Variants in HPSE2 observed in about 807,000 individuals in gnomAD.
The protein encoded by HPSE2 is inactive heparanase-2.
A neutral mutation model predicts 60.5 loss-of-function variants in HPSE2; 38 were observed. That is an observed-to-expected ratio of 0.63 (90% CI 0.48 to 0.82). The LOEUF is 0.82. Among genes scored for constraint, HPSE2 ranks in the 40% least tolerant of loss-of-function variants. The pLI is 0.00. For synonymous variants in HPSE2, 295 were observed against 293.2 expected, an observed-to-expected ratio of 1.01 and a Z score of -0.06; for missense variants, 713 against 740.4, an observed-to-expected ratio of 0.96 and a Z score of 0.43.
chr10:98,865,362 C>T (rs965642407), intron 3 of HPSE2, among the ~76,000 whole-genome samples: 2 of 151,998 alleles, frequency 1.3e-5, no homozygotes, highest in African/African-American at 4.8e-5. Flanking sequence ...GGACCAGATT[C>T]AATATATGAA....
At chr10:98,595,509 T>G (rs934796120) in intron 9 of HPSE2, among the ~76,000 whole-genome samples, 2 of 152,200 alleles carry the variant, frequency 1.3e-5, no homozygotes, top group African/African-American at 4.8e-5. Flanking sequence ...AGATAGTTTC[T>G]TGTTAGTATA....
intron 11 of HPSE2, among the ~76,000 whole-genome samples, chr10:98,469,314 C>T (rs1940680672): frequency 6.6e-6 from 1 of 152,126 alleles, no homozygotes; most frequent in Non-Finnish European, 1.5e-5. Context: ...CTCAAAGCTC[C>T]ATGTCATAGG....
At chr10:98,508,811 C>T (rs1191314663) in intron 9 of HPSE2, among the ~76,000 whole-genome samples, 1 of 152,082 alleles carries the variant, frequency 6.6e-6, no homozygotes, top group African/African-American at 2.4e-5. Context: ...TGAAAGCAGA[C>T]CAATTCAGCT....
Position 98,815,268 on chromosome 10 carries a change from C to A in HPSE2, c.611-71212G>T, listed in dbSNP as rs146090551. Among the ~76,000 whole-genome samples, 4 of 152,188 alleles carry A rather than the reference C, an allele frequency of 2.6e-5. No individual in the cohort carries two copies. The East Asian group carries it at 7.7e-4, about 29-fold the overall frequency. The stretch of plus-strand genomic sequence containing the variant: ...CTGCACTCCAGCCTGGGCAACAGAG[C>A]AAGACACTACCTCGAAAAAAATCAG... On this transcript the variant is annotated intron_variant, in intron 3 of 11. Coordinates refer to ENST00000370552, the MANE Select transcript of HPSE2 (RefSeq NM_021828.5).
chr10:98,727,121 C>T (rs1949105368), intron 4 of HPSE2, among the ~76,000 whole-genome samples: 1 of 152,068 alleles, frequency 6.6e-6, no homozygotes, highest in Admixed American at 6.6e-5. Flanking sequence ...TCAGTAGCTA[C>T]ACGACTCAAG....
chr10:99,204,283 C>G (rs1848671464), intron 2 of HPSE2, among the ~76,000 whole-genome samples: 2 of 152,104 alleles, frequency 1.3e-5, no homozygotes, highest in Non-Finnish European at 2.9e-5. Context: ...GTAACCAGGT[C>G]CCAGGCCCAC....
chr10:98,803,137 T>A (rs1950956656), intron 3 of HPSE2, among the ~76,000 whole-genome samples: 1 of 151,976 alleles, frequency 6.6e-6, no homozygotes, highest in Non-Finnish European at 1.5e-5. Context: ...AAGTGTTTGT[T>A]CATGTCCTTT....
At chr10:98,949,520 G>A (rs1955291878) in intron 3 of HPSE2, among the ~76,000 whole-genome samples, 1 of 152,156 alleles carries the variant, frequency 6.6e-6, no homozygotes, top group South Asian at 2.1e-4. Flanking sequence ...GCTGACCAGA[G>A]AGCAGCAGAG....
intron 9 of HPSE2, among the ~76,000 whole-genome samples, chr10:98,536,042 A>G (rs1392303910): frequency 4.6e-5 from 7 of 152,220 alleles, no homozygotes; most frequent in Non-Finnish European, 1.0e-4. Flanking sequence ...TCTTATATGC[A>G]GACAAAAGAT....
intron 2 of HPSE2, among the ~76,000 whole-genome samples, chr10:99,150,834 A>T (rs1846233821): frequency 6.6e-6 from 1 of 152,168 alleles, no homozygotes; most frequent in Admixed American, 6.5e-5. Flanking sequence ...AATAAAGTGA[A>T]AAAGACCTAA....
chr10:98,912,395 G>GA (rs1222512124), intron 3 of HPSE2, among the ~76,000 whole-genome samples: 1 of 152,062 alleles, frequency 6.6e-6, no homozygotes, highest in Non-Finnish European at 1.5e-5. Context: ...GGTTCCTCAA[G>GA]AAAGTAAAAA....
intron 9 of HPSE2, among the ~76,000 whole-genome samples, chr10:98,584,719 T>C (rs538767376): frequency 1.9e-4 from 29 of 152,328 alleles, no homozygotes; most frequent in African/African-American, 6.7e-4. Context: ...CATTCTAAGA[T>C]GCTACCAAGA....
intron 3 of HPSE2, among the ~76,000 whole-genome samples, chr10:99,018,217 C>T (rs572852911): frequency 6.6e-6 from 1 of 152,146 alleles, no homozygotes; most frequent in Non-Finnish European, 1.5e-5. Context: ...GCTTACCCAC[C>T]TATAAAATAA....
intron 9 of HPSE2, among the ~76,000 whole-genome samples, chr10:98,545,451 C>T (rs1440790795): frequency 1.3e-5 from 2 of 152,160 alleles, no homozygotes; most frequent in African/African-American, 4.8e-5. Flanking sequence ...AAAAGCTTAT[C>T]CACCATGATC....
intron 2 of HPSE2, among the ~76,000 whole-genome samples, chr10:99,210,175 G>A (rs1848909189): frequency 6.6e-6 from 1 of 152,122 alleles, no homozygotes; most frequent in East Asian, 1.9e-4. Context: ...TAACCTGGAA[G>A]AAGTGGATAA....
At chr10:98,687,739 C>G (rs1947954471) in intron 6 of HPSE2, among the ~76,000 whole-genome samples, 1 of 151,920 alleles carries the variant, frequency 6.6e-6, no homozygotes, top group Admixed American at 6.6e-5. Flanking sequence ...TTTTTTGAAG[C>G]CTACTTTGCC....
At chr10:98,725,361 C>T (rs1949044825) in intron 4 of HPSE2, among the ~76,000 whole-genome samples, 1 of 152,154 alleles carries the variant, frequency 6.6e-6, no homozygotes, top group Admixed American at 6.5e-5. Context: ...TGATCTTTGA[C>T]AAACCTGACA....
intron 8 of HPSE2, 50 bp from the exon 9 acceptor site, chr10:98,615,068 A>T: frequency 7.4e-7 from 1 of 1,345,394 alleles, no homozygotes; most frequent in Non-Finnish European, 1.1e-6. Flanking sequence ...TAAATGGCAT[A>T]TAACAAGCTC....
chr10:99,135,929 C>CA lies in HPSE2; in HGVS notation c.610+8308dup, dbSNP rs1276146400. ...GGAGATAGAGACATGAAAAACCCTT[C>CA]AAAAAATCAATGAATCCAGGAGCTG... On this transcript the variant is annotated intron_variant, in intron 3 of 11. Coordinates refer to ENST00000370552, the MANE Select transcript of HPSE2 (RefSeq NM_021828.5). Among the ~76,000 whole-genome samples, 5 of 151,930 alleles carry CA rather than the reference C, an allele frequency of 3.3e-5. No individual in the cohort carries two copies. In the South Asian group the frequency reaches 6.3e-4, roughly 19 times the overall value.
Sources: gnomAD v4.1 joint callset for allele counts (sites outside exome capture counted in the v4.1 genomes callset) on GRCh38, gnomAD v4.1.1 for gene constraint, MANE v1.5 for transcripts, NCBI Gene and HGNC (gene_info 2026-07-23, HGNC 2026-07-21) for gene names.